The following GRAMD1C variants were observed in gnomAD, a reference collection of about 807,000 sequenced individuals.
GRAMD1C encodes protein Aster-C.
A neutral mutation model predicts 97.8 loss-of-function variants in GRAMD1C; 89 were observed. The observed-to-expected ratio is 0.91, with a 90% CI of 0.77 to 1.09. GRAMD1C has a LOEUF of 1.09. Among genes scored for constraint, GRAMD1C ranks in the 50% least tolerant of loss-of-function variants. The pLI is 0.00. For synonymous variants in GRAMD1C, 256 were observed against 267.0 expected, an observed-to-expected ratio of 0.96 and a Z score of 0.40; for missense variants, 740 against 766.4, an observed-to-expected ratio of 0.97 and a Z score of 0.41.
At chr3:113,880,202 AT>A (rs1935206284) in intron 5 of GRAMD1C, among the ~76,000 whole-genome samples, 1 of 152,156 alleles carries the variant, frequency 6.6e-6, no homozygotes, top group African/African-American at 2.4e-5. Context: ...TTTTAACAAA[AT>A]CATCAAACAG....
chr3:113,915,095 T>G (rs369587538), intron 9 of GRAMD1C, among the ~76,000 whole-genome samples: 16 of 152,228 alleles, frequency 1.1e-4, no homozygotes, highest in African/African-American at 3.6e-4. Context: ...TAATAATTCA[T>G]TGGGCATTTG....
At chr3:113,861,883 T>C (rs1577136526) in intron 2 of GRAMD1C, among the ~76,000 whole-genome samples, 1 of 152,146 alleles carries the variant, frequency 6.6e-6, no homozygotes, top group African/African-American at 2.4e-5. Flanking sequence ...AGGGACAGAG[T>C]ACAAAAGAGA....
At chr3:113,917,913 G>C (rs1400941197) in intron 10 of GRAMD1C, among the ~76,000 whole-genome samples, 3 of 131,240 alleles carry the variant, frequency 2.3e-5, no homozygotes, top group Non-Finnish European at 4.6e-5. Context: ...TGTTGCTCCA[G>C]GCCAGTCTCA....
intron 7 of GRAMD1C, 76 bp from the exon 8 acceptor site, chr3:113,904,064 G>T: frequency 9.7e-7 from 1 of 1,027,610 alleles, no homozygotes; most frequent in Non-Finnish European, 1.5e-6. Flanking sequence ...CATAGGAAAT[G>T]ACCTCAGTGA....
chr3:113,867,056 C>T (rs75137697), intron 2 of GRAMD1C, among the ~76,000 whole-genome samples: 1 of 152,036 alleles, frequency 6.6e-6, no homozygotes. Flanking sequence ...GTCTTGAACT[C>T]CTGACCTCAT....
chr3:113,889,636 A>T (rs1181059491), intron 6 of GRAMD1C, among the ~76,000 whole-genome samples: 5 of 151,866 alleles, frequency 3.3e-5, no homozygotes, highest in Non-Finnish European at 5.9e-5. Context: ...TGCAGATAAG[A>T]AAGCCTCTTT....
At chr3:113,840,479 G>C (rs1219813165) in intron 1 of GRAMD1C, among the ~76,000 whole-genome samples, 1 of 152,066 alleles carries the variant, frequency 6.6e-6, no homozygotes, top group South Asian at 2.1e-4. Context: ...GCTCATGCCT[G>C]TAATTCTAGC....
chr3:113,898,849 T>A (rs1936036924), intron 6 of GRAMD1C, among the ~76,000 whole-genome samples: 1 of 152,176 alleles, frequency 6.6e-6, no homozygotes, highest in Non-Finnish European at 1.5e-5. Flanking sequence ...CTGATGATAA[T>A]ATCTGAATTT....
chr3:113,898,940 T>G (rs1293455369), intron 6 of GRAMD1C, among the ~76,000 whole-genome samples: 1 of 152,110 alleles, frequency 6.6e-6, no homozygotes, highest in African/African-American at 2.4e-5. Flanking sequence ...GACATTTTGT[T>G]CTTAATATCT....
intron 7 of GRAMD1C, among the ~76,000 whole-genome samples, chr3:113,902,894 G>A (rs986390581): frequency 4.6e-5 from 7 of 151,670 alleles, no homozygotes; most frequent in African/African-American, 1.7e-4. Context: ...ACCCTGCCTC[G>A]GCCTCCCAAA....
chr3:113,906,199 A>G (rs1268783998), intron 8 of GRAMD1C, among the ~76,000 whole-genome samples: 1 of 152,222 alleles, frequency 6.6e-6, no homozygotes, highest in Non-Finnish European at 1.5e-5. Flanking sequence ...ATTATTTTAG[A>G]GTACACTCTT....
intron 9 of GRAMD1C, among the ~76,000 whole-genome samples, chr3:113,911,727 C>CCTTT (rs1559810072): frequency 0.017 from 1,571 of 92,428 alleles, 120 homozygotes; most frequent in Middle Eastern, 0.026. Context: ...TTCCTTCCTT[C>CCTTT]CTTTTCTTTC....
At chr3:113,864,456 C>T (rs1157784280) in intron 2 of GRAMD1C, among the ~76,000 whole-genome samples, 1 of 152,070 alleles carries the variant, frequency 6.6e-6, no homozygotes, top group East Asian at 1.9e-4. Context: ...ATTTCTTCTT[C>T]CAGAAATCAT....
rs1343928450 is a variant in GRAMD1C, at chr3:113,946,629, CTT to C, written c.*1152_*1153del. 1.3e-5 allele frequency: 2 copies of C among 152,206 alleles called. No individual in the cohort carries two copies. Among genetic ancestry groups the C allele is most frequent in the African/African-American group, 4.8e-5 (2 of 41,450 alleles). 9.4% of individuals were successfully genotyped at this position (152,206 alleles called of 1,614,324 possible). On this transcript the variant is annotated 3_prime_UTR_variant, in exon 18 of 18. Transcript: ENST00000358160. ...GTTGAAGTGTTTTACTGTTTTGTCT[CTT>C]GAGCCCTTTCTCTGGGGAAAAAATA...
intron 9 of GRAMD1C, among the ~76,000 whole-genome samples, chr3:113,911,167 G>GAA (rs1936555107): frequency 1.6e-4 from 1 of 6,380 alleles, no homozygotes; most frequent in Non-Finnish European, 3.1e-4. Context: ...GAACAACAGA[G>GAA]AGAGAGACAC....
intron 10 of GRAMD1C, chr3:113,919,996 A>G (rs1045227153): frequency 7.3e-6 from 5 of 687,170 alleles, no homozygotes; most frequent in African/African-American, 7.1e-5. Context: ...CCCTACTCCA[A>G]CAATCAGATG....
intron 3 of GRAMD1C, among the ~76,000 whole-genome samples, chr3:113,873,819 G>A (rs755626912): frequency 5.9e-5 from 9 of 152,192 alleles, no homozygotes; most frequent in East Asian, 1.9e-4. Context: ...ACACTCGGCC[G>A]CAATATGTGT....
At chr3:113,903,391 C>G (rs919472604) in intron 7 of GRAMD1C, among the ~76,000 whole-genome samples, 7 of 152,144 alleles carry the variant, frequency 4.6e-5, no homozygotes, top group South Asian at 2.1e-4. Context: ...TTCCTCGGTT[C>G]TTCCATCTTC....
intron 9 of GRAMD1C, among the ~76,000 whole-genome samples, chr3:113,910,324 A>G (rs1051731300): frequency 6.6e-6 from 1 of 152,222 alleles, no homozygotes; most frequent in African/African-American, 2.4e-5. Context: ...CGGAGGTTGC[A>G]GTGAGCCTAG....
Sources: allele counts gnomAD v4.1 joint callset (sites outside exome capture counted in the v4.1 genomes callset), GRCh38; gene constraint gnomAD v4.1.1; transcripts MANE v1.5; gene names NCBI Gene and HGNC (gene_info 2026-07-23, HGNC 2026-07-21).